PDE1C: variants seen among roughly 807,000 people sequenced by gnomAD.
PDE1C encodes the protein phosphodiesterase 1C, also known as dual specificity calcium/calmodulin-dependent 3',5'-cyclic nucleotide phosphodiesterase 1C.
PDE1C carries 62 observed loss-of-function variants against 93.1 expected under a neutral mutation model. That is an observed-to-expected ratio of 0.67 (90% confidence interval 0.54 to 0.82). The LOEUF (loss-of-function observed/expected upper bound fraction) is 0.82, where lower values mean the gene tolerates loss of function less well. Among genes scored for constraint, PDE1C ranks in the 40% least tolerant of loss-of-function variants. The pLI, the probability that PDE1C is intolerant of heterozygous loss-of-function variation, is 0.00. For missense variants in PDE1C, 742 were observed against 884.6 expected (o/e 0.84, Z 2.04); for synonymous variants, 325 against 310.1 (o/e 1.05, Z -0.50).
intron 2 of PDE1C, among the ~76,000 whole-genome samples, chr7:31,960,902 T>C (rs1808843921): frequency 6.6e-6 from 1 of 152,206 alleles, no homozygotes; most frequent in African/African-American, 2.4e-5. Context: ...TTGTCAGTCA[T>C]GCAGTTTCTA....
At chr7:31,967,538 G>A (rs113301145) in intron 2 of PDE1C, among the ~76,000 whole-genome samples, 1,869 of 152,300 alleles carry the variant, frequency 0.012, 15 homozygotes, top group Non-Finnish European at 0.021. Flanking sequence ...GGTACAAGGA[G>A]GAACTGGTAC....
At chr7:32,129,543 A>AGAGAAGAT (rs1402195264) in intron 3 of PDE1C, among the ~76,000 whole-genome samples, 8 of 151,810 alleles carry the variant, frequency 5.3e-5, no homozygotes, top group African/African-American at 1.2e-4. Context: ...AATATAATAA[A>AGAGAAGAT]TAACCCTCAA....
chr7:31,778,302 C>G (rs1184349170), intron 16 of PDE1C, among the ~76,000 whole-genome samples: 1 of 152,210 alleles, frequency 6.6e-6, no homozygotes. Flanking sequence ...GAGGGCACAT[C>G]TGTGTCTTTT....
At chr7:31,750,028 G>A (rs1042215983), downstream of PDE1C, among the ~76,000 whole-genome samples, 11 of 152,196 alleles carry the variant, frequency 7.2e-5, no homozygotes, top group East Asian at 7.7e-4. Context: ...GAGCCACCCC[G>A]TCTGGCCCTA....
At chr7:32,122,711 A>T (rs183965093) in intron 3 of PDE1C, among the ~76,000 whole-genome samples, 97 of 152,352 alleles carry the variant, frequency 6.4e-4, no homozygotes, top group African/African-American at 2.3e-3. Flanking sequence ...ACACAGCTAA[A>T]GCAGGGTTAA....
intron 2 of PDE1C, among the ~76,000 whole-genome samples, chr7:31,948,343 G>C (rs1806902152): frequency 6.6e-6 from 1 of 152,178 alleles, no homozygotes; most frequent in South Asian, 2.1e-4. Flanking sequence ...ACCAGGAAAA[G>C]GAGCTGTAAA....
At chr7:32,419,040 T>C (rs1785332690) in intron 1 of PDE1C, among the ~76,000 whole-genome samples, 1 of 152,212 alleles carries the variant, frequency 6.6e-6, no homozygotes, top group South Asian at 2.1e-4. Flanking sequence ...GTACTCTGAC[T>C]GGCAGAGGAA....
chr7:32,047,092 T>TG (rs397734342), intron 2 of PDE1C, among the ~76,000 whole-genome samples: 4 of 148,872 alleles, frequency 2.7e-5, no homozygotes, highest in African/African-American at 1.0e-4. Context: ...TGTGTGTGTG[T>TG]TGGAAGCACC....
chr7:31,623,860 A>T, the PDE1C span, among the ~76,000 whole-genome samples: 1 of 152,120 alleles, frequency 6.6e-6, no homozygotes, highest in Non-Finnish European at 1.5e-5. Context: ...ATGATTTTAT[A>T]TGTAGAAAAC....
intron 1 of PDE1C, among the ~76,000 whole-genome samples, chr7:32,361,521 C>T (rs1585125460): frequency 6.6e-6 from 1 of 152,330 alleles, no homozygotes; most frequent in African/African-American, 2.4e-5. Context: ...CCTTCCCACG[C>T]CCTGCGCACA....
intron 1 of PDE1C, among the ~76,000 whole-genome samples, chr7:32,278,765 A>C (rs1217595222): frequency 6.6e-6 from 1 of 152,250 alleles, no homozygotes; most frequent in African/African-American, 2.4e-5. Context: ...GTTCAGATAC[A>C]CAAGCTCTTA....
At chr7:31,694,699 T>C in the PDE1C span, among the ~76,000 whole-genome samples, 2 of 151,922 alleles carry the variant, frequency 1.3e-5, no homozygotes, top group African/African-American at 4.8e-5. Context: ...GACAGTGAAG[T>C]CCAAGGCAGA....
intron 3 of PDE1C, among the ~76,000 whole-genome samples, chr7:32,159,088 G>A (rs767711946): frequency 2.6e-5 from 4 of 152,028 alleles, no homozygotes; most frequent in Admixed American, 6.6e-5. Context: ...TATATGCATC[G>A]ATCTCTGTGA....
intron 3 of PDE1C, among the ~76,000 whole-genome samples, chr7:32,109,146 C>G (rs1254471995): frequency 6.6e-6 from 1 of 152,074 alleles, no homozygotes; most frequent in Non-Finnish European, 1.5e-5. Context: ...ACAAAATTAA[C>G]AAAATGTACT....
At chr7:31,858,402 C>T (rs1263488745) in intron 7 of PDE1C, among the ~76,000 whole-genome samples, 2 of 152,066 alleles carry the variant, frequency 1.3e-5, no homozygotes, top group African/African-American at 4.8e-5. Flanking sequence ...TTTAGAAAAC[C>T]TAGGCCCTTG....
At chr7:32,270,915 G>A (rs1810913933) in intron 1 of PDE1C, among the ~76,000 whole-genome samples, 1 of 152,026 alleles carries the variant, frequency 6.6e-6, no homozygotes, top group South Asian at 2.1e-4. Context: ...CAGATCACCT[G>A]AGGTCAGGAG....
intron 1 of PDE1C, among the ~76,000 whole-genome samples, chr7:32,257,432 T>C (rs1809888530): frequency 6.6e-6 from 1 of 152,190 alleles, no homozygotes; most frequent in Admixed American, 6.5e-5. Context: ...GGCTCCCTCA[T>C]TTACTGTTTG....
intron 16 of PDE1C, chr7:31,790,407 TC>T: frequency 1.5e-6 from 1 of 655,836 alleles, no homozygotes; most frequent in Non-Finnish European, 2.7e-6. Context: ...CATTGCTGTC[TC>T]CCTTGTAACA....
intron 2 of PDE1C, among the ~76,000 whole-genome samples, chr7:31,893,049 T>C (rs10244512): frequency 0.091 from 13,854 of 152,126 alleles, 916 homozygotes; most frequent in East Asian, 0.26. Flanking sequence ...ATTGTCAGCT[T>C]ATAATAAAAG....
Sources: allele counts gnomAD v4.1 joint callset (sites outside exome capture counted in the v4.1 genomes callset), GRCh38; gene constraint gnomAD v4.1.1; transcripts MANE v1.5; gene names NCBI Gene and HGNC (gene_info 2026-07-23, HGNC 2026-07-21).